The following KLF15 variants were observed in gnomAD, a reference collection of about 807,000 sequenced individuals.
KLF15 encodes the protein KLF transcription factor 15.
KLF15 carries 4 observed loss-of-function variants against 24.6 expected under a neutral mutation model. The observed-to-expected ratio is 0.16, with a 90% CI of 0.08 to 0.37. KLF15 has a LOEUF of 0.37. Among genes scored for constraint, KLF15 ranks in the 10% least tolerant of loss-of-function variants. KLF15 has a pLI of 1.00. For synonymous variants in KLF15, 246 were observed against 236.3 expected (o/e 1.04, Z -0.37); for missense variants, 496 against 560.6 (o/e 0.88, Z 1.16).
chr3:126,343,496 C>A lies in KLF15; in HGVS notation c.*231G>T. The A allele has an allele frequency of 4.1e-6, 2 of 485,880 alleles. No homozygotes were observed. The highest frequency in any genetic ancestry group is 5.3e-5 in the South Asian group (2 of 38,050). 30.1% of individuals were successfully genotyped at this position (485,880 alleles called of 1,614,324 possible). A position where few individuals can be genotyped will look rare whatever the true frequency, so the allele number is the denominator to read the frequency against. On this transcript the variant is annotated 3_prime_UTR_variant, in exon 3 of 3. Transcript: ENST00000296233. ...AAGGCACGAAGGCACGAAGGCCTGC[C>A]TCCAGCCCCGTGCGCCTGGGGCCCA...
At chr3:126,317,659 G>A in the KLF15 span, among the ~76,000 whole-genome samples, 17 of 152,092 alleles carry the variant, frequency 1.1e-4, no homozygotes, top group Non-Finnish European at 2.4e-4. Context: ...GAAGACTCAG[G>A]GGAGAAGAGA....
the KLF15 span, among the ~76,000 whole-genome samples, chr3:126,304,969 G>A: frequency 1.3e-5 from 2 of 152,210 alleles, no homozygotes; most frequent in Non-Finnish European, 2.9e-5. Flanking sequence ...ACCTTTCTCA[G>A]TCCCGCAAGT....
chr3:126,330,641 G>T, the KLF15 span, among the ~76,000 whole-genome samples: 1 of 151,842 alleles, frequency 6.6e-6, no homozygotes, highest in South Asian at 2.1e-4. Flanking sequence ...GAATATAAGT[G>T]TGTCCTATTC....
the KLF15 span, among the ~76,000 whole-genome samples, chr3:126,337,100 C>G: frequency 3.4e-4 from 19 of 56,462 alleles, 4 homozygotes; most frequent in African/African-American, 4.5e-4. Flanking sequence ...GAGTATAAAT[C>G]ATGCTGCTAT....
chr3:126,340,093 C>T (rs565638431), downstream of KLF15, among the ~76,000 whole-genome samples: 11 of 152,298 alleles, frequency 7.2e-5, no homozygotes, highest in East Asian at 1.3e-3. Flanking sequence ...GCTGCCAGCT[C>T]GTGGGAAGGG....
At chr3:126,357,117 C>T (rs1273445938) in intron 1 of KLF15, 120 bp downstream of exon 1, 3 of 151,812 alleles carry the variant, frequency 2.0e-5, no homozygotes, top group African/African-American at 4.8e-5. Flanking sequence ...TCCTCCAGCA[C>T]TCGCGCGGTG....
At chr3:126,301,610 C>CTTTTTTT in the KLF15 span, among the ~76,000 whole-genome samples, 297 of 132,230 alleles carry the variant, frequency 2.2e-3, no homozygotes, top group Non-Finnish European at 2.8e-3. Context: ...TTTTCTTTTT[C>CTTTTTTT]TTTTTTTTTT....
In KLF15 at chr3:126,351,930, C is replaced by T. The variant is rs2082585873; in HGVS notation, c.993G>A (p.Met331Ile). The T allele has an allele frequency of 2.5e-6, 4 of 1,613,826 alleles. No individual in the cohort carries two copies. Among genetic ancestry groups the T allele is most frequent in the Non-Finnish European group, 3.4e-6 (4 of 1,179,886 alleles). Residue 331 changes from methionine (M) to isoleucine (I), a missense_variant, in exon 2 of 3, where the codon ATG becomes ATA. Around this residue, in one of 3 missense-constraint regions of KLF15, gnomAD observed 59 missense variants for 106.1 expected, o/e 0.56. Coordinates refer to ENST00000296233, the MANE Select transcript of KLF15 (RefSeq NM_014079.4). ...CCTTGAGGTGGCTGCTTTTGGTGTA[C>T]ATCTTGCTGCAGCCAGGGAAAGTAC... The part of the protein sequence containing the change: ...HKCTFPGCSK[M>I]YTKSSHLKAH...
the KLF15 span, among the ~76,000 whole-genome samples, chr3:126,317,596 C>T: frequency 3.9e-5 from 6 of 152,062 alleles, no homozygotes; most frequent in South Asian, 2.1e-4. Flanking sequence ...AAACACACTG[C>T]GCACCCCGGA....
the KLF15 span, among the ~76,000 whole-genome samples, chr3:126,337,599 G>T: frequency 6.6e-6 from 1 of 151,800 alleles, no homozygotes; most frequent in East Asian, 1.9e-4. Flanking sequence ...CTAGTGGGAA[G>T]AGTGCTGTAT....
At chr3:126,348,655 T>G (rs534995370) in intron 2 of KLF15, among the ~76,000 whole-genome samples, 2 of 152,308 alleles carry the variant, frequency 1.3e-5, no homozygotes, top group Non-Finnish European at 2.9e-5. Flanking sequence ...CCTTAAGCTG[T>G]CACTACAGCC....
downstream of KLF15, among the ~76,000 whole-genome samples, chr3:126,341,085 G>A (rs1164093157): frequency 5.3e-5 from 8 of 152,284 alleles, no homozygotes; most frequent in South Asian, 8.3e-4. Flanking sequence ...CAGGCAGTGC[G>A]GCCCCATTAT....
At chr3:126,339,025 G>A (rs763223188), downstream of KLF15, among the ~76,000 whole-genome samples, 6 of 152,190 alleles carry the variant, frequency 3.9e-5, no homozygotes, top group South Asian at 4.1e-4. Flanking sequence ...ATGTCCGTGC[G>A]CCAGGATGGC....
the KLF15 span, among the ~76,000 whole-genome samples, chr3:126,336,522 CT>C: frequency 1.3e-5 from 1 of 76,190 alleles, no homozygotes; most frequent in African/African-American, 6.9e-5. Context: ...TGGGCAAGGA[CT>C]TCATGTCCAA....
chr3:126,327,997 G>C, the KLF15 span, among the ~76,000 whole-genome samples: 2 of 152,054 alleles, frequency 1.3e-5, no homozygotes, highest in South Asian at 4.1e-4. Context: ...AAGTTCTTTA[G>C]TGGTGATTTG....
At chr3:126,329,918 C>T in the KLF15 span, among the ~76,000 whole-genome samples, 1 of 151,002 alleles carries the variant, frequency 6.6e-6, no homozygotes, top group African/African-American at 2.4e-5. Flanking sequence ...ACTCTACTTA[C>T]TGTTGCAGTT....
the KLF15 span, among the ~76,000 whole-genome samples, chr3:126,316,980 C>G: frequency 6.6e-6 from 1 of 152,144 alleles, no homozygotes; most frequent in Non-Finnish European, 1.5e-5. Context: ...TTACTTTGAC[C>G]TTGAGGGCAA....
At chr3:126,334,390 A>G in the KLF15 span, among the ~76,000 whole-genome samples, 2 of 134,048 alleles carry the variant, frequency 1.5e-5, no homozygotes, top group East Asian at 2.2e-4. Flanking sequence ...CAAAGACACA[A>G]CATACCAGAA....
At chr3:126,326,925 A>G in the KLF15 span, among the ~76,000 whole-genome samples, 3 of 152,224 alleles carry the variant, frequency 2.0e-5, no homozygotes, top group Admixed American at 2.0e-4. Flanking sequence ...TTAGATTTAC[A>G]AGCATTGCGG....
Sources: allele counts gnomAD v4.1 joint callset (sites outside exome capture counted in the v4.1 genomes callset), GRCh38; gene constraint gnomAD v4.1.1; regional missense constraint gnomAD v4.1.1; transcripts MANE v1.5; gene names NCBI Gene and HGNC (gene_info 2026-07-23, HGNC 2026-07-21).